COL4A5: variants seen among roughly 807,000 people sequenced by gnomAD.
The protein encoded by COL4A5 is collagen type IV alpha 5 chain, also known as collagen alpha-5(IV) chain.
In COL4A5, 26 loss-of-function variants were observed where a neutral mutation model predicts 130.2. That is an observed-to-expected ratio of 0.20 (90% CI 0.15 to 0.28). COL4A5 has a LOEUF of 0.28. Ranked by LOEUF, COL4A5 falls within the 10% of genes least tolerant of loss-of-function variation. The pLI is 1.00. For missense variants in COL4A5, 1,131 were observed against 1,344.3 expected, an observed-to-expected ratio of 0.84 and a Z score of 2.48; for synonymous variants, 496 against 439.6, an observed-to-expected ratio of 1.13 and a Z score of -1.60.
intron 30 of COL4A5, among the ~76,000 whole-genome samples, chrX:108,618,639 A>C (rs1225268254): frequency 9.0e-6 from 1 of 111,571 alleles, no homozygotes; most frequent in Non-Finnish European, 1.9e-5. Context: ...ACTCATTTCT[A>C]ATATATGATA....
In COL4A5 at chrX:108,553,583, T is replaced by G. The variant is rs185974897; in HGVS notation, c.142-5481T>G. Among the ~76,000 whole-genome samples the G allele has an allele frequency of 6.9e-3, 770 of 111,774 alleles. 1 individual carries two copies. The highest frequency in any genetic ancestry group is 0.011 in the Non-Finnish European group (561 of 53,031). On this transcript the variant is annotated intron_variant, in intron 2 of 52. Coordinates refer to ENST00000328300, the MANE Select transcript of COL4A5 (RefSeq NM_033380.3). ...CTGTTAGAATATCTAATAAAAACTT[T>G]TAGCCAAAGCAAGTATAGATGAGAA...
intron 1 of COL4A5, among the ~76,000 whole-genome samples, chrX:108,472,366 T>A (rs377384122): frequency 1.8e-5 from 2 of 112,093 alleles, no homozygotes; most frequent in East Asian, 5.6e-4. Context: ...TGTTCAAGAC[T>A]TCTGTTTCCT....
chrX:108,634,246 G>A (rs1486125601), intron 36 of COL4A5, among the ~76,000 whole-genome samples: 1 of 110,023 alleles, frequency 9.1e-6, no homozygotes, highest in African/African-American at 3.3e-5. Flanking sequence ...GATAGCACTG[G>A]AAGTAAGGTT....
At chrX:108,683,198 T>C (rs1352667526) in intron 47 of COL4A5, among the ~76,000 whole-genome samples, 1 of 111,520 alleles carries the variant, frequency 9.0e-6, no homozygotes, top group Admixed American at 9.5e-5. Flanking sequence ...TATCAGATGG[T>C]TGTAGATGGG....
chrX:108,460,495 T>A (rs1047296207), intron 1 of COL4A5, among the ~76,000 whole-genome samples: 1 of 107,593 alleles, frequency 9.3e-6, no homozygotes, highest in Admixed American at 1.0e-4. Context: ...TTTTTGTTTG[T>A]TTGTTTGTTT....
In COL4A5 at chrX:108,626,415, C is replaced by T. The variant is rs774386026; in HGVS notation, c.3246+66C>T. The T allele has an allele frequency of 3.7e-5, 44 of 1,181,107 alleles. No homozygotes were observed. In the Admixed American group the frequency reaches 9.0e-4, roughly 24 times the overall value. On this transcript the variant is annotated intron_variant, in intron 36 of 52. Transcript: ENST00000328300. ...ATATGAAATTTTTTAATACTATGCTCATTCCTAAGTTTTCATTAAACAAAC... is the reference window on the plus strand; with the variant it reads ...ATATGAAATTTTTTAATACTATGCTTATTCCTAAGTTTTCATTAAACAAAC...
At position 108,597,469 on chromosome X, in the gene COL4A5, A is replaced by G; in HGVS notation, c.1680A>G (p.Lys560=). 8.3e-7 allele frequency: 1 copy of G among 1,210,535 alleles called. No homozygotes were observed. Among genetic ancestry groups the G allele is most frequent in the African/African-American group, 1.7e-5 (1 of 57,599 alleles). The change falls in exon 24 of 53, where the codon AAA becomes AAG. Residue 560 remains lysine, a synonymous_variant. Coordinates refer to ENST00000328300, the MANE Select transcript of COL4A5 (RefSeq NM_033380.3). ...CTTTTCCAGGAATGAAGGGTGACAA[A>G]GGAGAGTTGGGTTCCCCTGGAGCTC... is the stretch of plus-strand genomic sequence containing the variant. The part of the protein sequence containing the change: ...ILTFPGMKGD[K]GELGSPGAPG...
chrX:108,668,217 T>G, intron 40 of COL4A5, 102 bp from the exon 41 acceptor site: 1 of 797,762 alleles, frequency 1.3e-6, no homozygotes, highest in Non-Finnish European at 1.9e-6. Context: ...AAATGACTCT[T>G]GTGAATTCCA....
intron 42 of COL4A5, among the ~76,000 whole-genome samples, chrX:108,672,754 G>A (rs1173017460): frequency 3.6e-5 from 4 of 111,781 alleles, no homozygotes; most frequent in Non-Finnish European, 5.6e-5. Context: ...AGGCTGAAAT[G>A]TCATATTTCA....
At chrX:108,629,000 T>C (rs924793211) in intron 36 of COL4A5, among the ~76,000 whole-genome samples, 12 of 111,902 alleles carry the variant, frequency 1.1e-4, no homozygotes, top group African/African-American at 3.9e-4. Context: ...TGATAGGAAT[T>C]TCTGGAAATT....
chrX:108,444,465 C>T (rs914341706), intron 1 of COL4A5, among the ~76,000 whole-genome samples: 19 of 111,621 alleles, frequency 1.7e-4, no homozygotes, highest in East Asian at 2.8e-4. Flanking sequence ...GTGATCCACC[C>T]GCCTTGGCCT....
chrX:108,616,038 C>G (rs946135062), intron 30 of COL4A5, among the ~76,000 whole-genome samples: 2 of 111,155 alleles, frequency 1.8e-5, no homozygotes, highest in Admixed American at 1.9e-4. Flanking sequence ...CACATTATAC[C>G]TTTTTATGGT....
intron 37 of COL4A5, among the ~76,000 whole-genome samples, chrX:108,663,491 A>G (rs2068006431): frequency 2.7e-5 from 3 of 111,690 alleles, no homozygotes; most frequent in African/African-American, 9.8e-5. Flanking sequence ...AAAACCAAAC[A>G]CTGCATGTTC....
At position 108,526,656 on chromosome X, in the gene COL4A5, CTTTCTTCTTTCTTTCTCTT is replaced by C. The variant is rs1569481192; in HGVS notation, c.82-13088_82-13070del. Among the ~76,000 whole-genome samples, 287 of 51,700 alleles carry C rather than the reference CTTTCTTCTTTCTTTCTCTT, an allele frequency of 5.6e-3. 6 individuals are homozygous for C. Among genetic ancestry groups the C allele is most frequent in the African/African-American group, 0.026 (225 of 8,582 alleles). The allele number at this position is 51,700 out of a possible 115,157, so 44.9% of individuals were successfully genotyped here. A position where few individuals can be genotyped will look rare whatever the true frequency, so the allele number is the denominator to read the frequency against. On this transcript the variant is annotated intron_variant, in intron 1 of 52. Transcript: ENST00000328300. ...TCTTTCTTTCTTTCTTTCTTTCTTT[CTTTCTTCTTTCTTTCTCTT>C]TCTTTCTTTCTTTCTTTCTTTCTTT...
chrX:108,544,420 G>T (rs1408222298), intron 2 of COL4A5, among the ~76,000 whole-genome samples: 16 of 111,793 alleles, frequency 1.4e-4, no homozygotes, highest in Non-Finnish European at 2.6e-4. Flanking sequence ...TTTATTGATT[G>T]GCGTATGTTG....
intron 1 of COL4A5, among the ~76,000 whole-genome samples, chrX:108,477,554 C>T (rs765569541): frequency 3.6e-5 from 4 of 111,137 alleles, no homozygotes; most frequent in Non-Finnish European, 7.5e-5. Context: ...TGGCTCATGC[C>T]TGTAATCCCA....
chrX:108,517,856 A>G (rs1294210867), intron 1 of COL4A5, among the ~76,000 whole-genome samples: 2 of 110,689 alleles, frequency 1.8e-5, no homozygotes, highest in Non-Finnish European at 3.8e-5. Flanking sequence ...TCTCTTTTGA[A>G]TACTCATAAT....
At chrX:108,677,975 A>G (rs1329293721) in intron 44 of COL4A5, among the ~76,000 whole-genome samples, 3 of 111,991 alleles carry the variant, frequency 2.7e-5, no homozygotes, top group African/African-American at 9.7e-5. Context: ...AGAAGTAATT[A>G]TGGTGAATAG....
intron 24 of COL4A5, among the ~76,000 whole-genome samples, 163 bp downstream of exon 24, chrX:108,597,731 G>T (rs770974347): frequency 8.9e-6 from 1 of 111,747 alleles, no homozygotes; most frequent in African/African-American, 3.2e-5. Context: ...ACTACGTAGG[G>T]TTTCTGCACT....
Sources: allele counts gnomAD v4.1 joint callset (sites outside exome capture counted in the v4.1 genomes callset), GRCh38; gene constraint gnomAD v4.1.1; transcripts MANE v1.5; gene names NCBI Gene and HGNC (gene_info 2026-07-23, HGNC 2026-07-21).